The following MYO15A variants were observed in gnomAD, a reference collection of about 807,000 sequenced individuals.
MYO15A encodes myosin XVA, also known as unconventional myosin-XV.
In MYO15A, 308 loss-of-function variants were observed where a neutral mutation model predicts 394.6. The observed-to-expected ratio is 0.78, with a 90% confidence interval of 0.71 to 0.86. The LOEUF (loss-of-function observed/expected upper bound fraction) is 0.86, where lower values mean the gene tolerates loss of function less well. Ranked by LOEUF, MYO15A falls within the 40% of genes least tolerant of loss-of-function variation. The pLI is 0.00. For missense variants in MYO15A, 4,606 were observed against 4,799.1 expected (o/e 0.96, Z 1.19); for synonymous variants, 1,957 against 2,003.8 (o/e 0.98, Z 0.62).
At position 18,126,309 on chromosome 17, in the gene MYO15A, A is replaced by G. The variant is rs763267094; in HGVS notation, c.3757-38A>G. The G allele has an allele frequency of 4.5e-6, 7 of 1,553,668 alleles. No homozygotes were observed. In the Admixed American group the frequency reaches 1.2e-4, roughly 26 times the overall value. On this transcript the variant is annotated intron_variant, in intron 4 of 65. Transcript: ENST00000647165. ...GGGAGGGAGGGACATAGAGGTCTGC[A>G]AGGAGCCACGACGCTGAGGCCACCG... is the stretch of plus-strand genomic sequence containing the variant.
chr17:18,171,516 C>A, intron 62 of MYO15A, 122 bp from the exon 63 acceptor site: 1 of 1,471,286 alleles, frequency 6.8e-7, no homozygotes, highest in Non-Finnish European at 9.5e-7. Context: ...TTTACACTCC[C>A]TAGCATTTAG....
chr17:18,152,259 C>A, intron 42 of MYO15A, 75 bp downstream of exon 42: 3 of 1,414,920 alleles, frequency 2.1e-6, no homozygotes, highest in South Asian at 2.5e-5. Context: ...GTGAGTGTGT[C>A]GGTGGAGTGT....
intron 65 of MYO15A, chr17:18,176,986 C>T (rs1312676428): frequency 6.6e-6 from 1 of 152,240 alleles, no homozygotes; most frequent in African/African-American, 2.4e-5. Flanking sequence ...GTAGATGCTC[C>T]ATACATATTT....
chr17:18,163,683 C>T, intron 59 of MYO15A, 59 bp from the exon 60 acceptor site: 1 of 1,507,596 alleles, frequency 6.6e-7, no homozygotes, highest in Non-Finnish European at 9.1e-7. Context: ...TGAGTGGGGC[C>T]AGAAGGACAG....
chr17:18,130,280 A>T (rs2046130745), intron 7 of MYO15A, among the ~76,000 whole-genome samples: 1 of 152,102 alleles, frequency 6.6e-6, no homozygotes, highest in South Asian at 2.1e-4. Context: ...CAAACAGTAG[A>T]TCCGTGCCTG....
In MYO15A at chr17:18,152,103, G is replaced by A. The variant is rs772492507; in HGVS notation, c.7894-9G>A. ...TTGCCCCCTGAGCAGTCTCTTTGGG[G>A]TGGGACAGGTGTCCAGAGAGGCCGT... On this transcript the variant is annotated splice_polypyrimidine_tract_variant and intron_variant, in intron 41 of 65. Transcript: ENST00000647165. 6.4e-7 allele frequency: 1 copy of A among 1,551,478 alleles called. No homozygotes were observed. Among genetic ancestry groups the A allele is most frequent in the Non-Finnish European group, 8.7e-7 (1 of 1,147,096 alleles).
rs1462823417 is a variant in MYO15A at position 18,124,564 on chromosome 17, G to T, written c.3691G>T (p.Glu1231Ter). 6.2e-7 allele frequency: 1 copy of T among 1,613,070 alleles called. No individual in the cohort carries two copies. Among genetic ancestry groups the T allele is most frequent in the Admixed American group, 1.7e-5 (1 of 60,004 alleles). The change falls in exon 3 of 66, where the codon GAA becomes TAA. Residue 1231 changes from glutamate (E) to a stop codon, truncating the protein, a stop_gained and splice_region_variant. Transcript: ENST00000647165. LOFTEE classifies it high-confidence loss of function. Reference protein sequence around the residue: ...EDGVEDMTQLEDLQETTVLSN... With the variant: ...EDGVEDMTQL Reference sequence around the variant, plus strand: ...TGGTGTGGAGGACATGACACAGCTGGAGTGAGTGGGCAGGGCCGGCGGGGT... The same window carrying T: ...TGGTGTGGAGGACATGACACAGCTGTAGTGAGTGGGCAGGGCCGGCGGGGT...
intron 57 of MYO15A, 136 bp from the exon 58 acceptor site, chr17:18,162,448 CT>C: frequency 1.3e-6 from 1 of 764,556 alleles, no homozygotes; most frequent in Non-Finnish European, 2.2e-6. Flanking sequence ...GTTTCCTCAA[CT>C]GTCAAATGGG....
intron 62 of MYO15A, among the ~76,000 whole-genome samples, chr17:18,171,347 C>T (rs563507185): frequency 7.0e-4 from 107 of 152,310 alleles, no homozygotes; most frequent in African/African-American, 2.5e-3. Flanking sequence ...CAACCCATGC[C>T]GCTAACTCAC....
At chr17:18,145,704 C>G (rs2046464458) in intron 29 of MYO15A, among the ~76,000 whole-genome samples, 168 bp from the exon 30 acceptor site, 2 of 151,866 alleles carry the variant, frequency 1.3e-5, no homozygotes, top group African/African-American at 4.8e-5. Flanking sequence ...GACAGAGACT[C>G]CATCTCAAAA....
intron 1 of MYO15A, among the ~76,000 whole-genome samples, chr17:18,111,439 C>T (rs1193404056): frequency 2.0e-5 from 3 of 151,948 alleles, no homozygotes; most frequent in Non-Finnish European, 2.9e-5. Context: ...CTTAACTCTG[C>T]GAACCCCAAG....
At chr17:18,126,569 C>A in intron 5 of MYO15A, 113 bp downstream of exon 5, 1 of 1,131,260 alleles carries the variant, frequency 8.8e-7, no homozygotes, top group Non-Finnish European at 1.3e-6. Context: ...TGGGGAAAGG[C>A]AGCCCACCTA....
At position 18,163,321 on chromosome 17, in the gene MYO15A, T is replaced by C; in HGVS notation, c.9690T>C (p.Thr3230=). 6.2e-7 allele frequency: 1 copy of C among 1,613,944 alleles called. No homozygotes were observed. The highest frequency in any genetic ancestry group is 8.5e-7 in the Non-Finnish European group (1 of 1,179,882). ...LERHLKIKTC[T]VALDVVEEIC... ...GCCATCTCAAAATCAAAACATGCAC[T>C]GTAAGTGAAGAAATGTCTCCTGCAG... The change falls in exon 59 of 66, where the codon ACT becomes ACC. Residue 3230 remains threonine, a splice_region_variant and synonymous_variant. Coordinates refer to ENST00000647165, the MANE Select transcript of MYO15A (RefSeq NM_016239.4).
intron 1 of MYO15A, among the ~76,000 whole-genome samples, chr17:18,114,443 G>C (rs1021793619): frequency 6.6e-6 from 1 of 151,940 alleles, no homozygotes; most frequent in Non-Finnish European, 1.5e-5. Flanking sequence ...GTGGAAATGA[G>C]GTTTTACCAT....
intron 40 of MYO15A, 66 bp from the exon 41 acceptor site, chr17:18,151,780 T>C: frequency 2.1e-6 from 3 of 1,456,758 alleles, no homozygotes; most frequent in South Asian, 1.2e-5. Flanking sequence ...AGTTTCCTAC[T>C]GTCAAACTAT....
intron 65 of MYO15A, among the ~76,000 whole-genome samples, chr17:18,175,519 G>C (rs1183185205): frequency 1.3e-5 from 2 of 151,994 alleles, no homozygotes; most frequent in Non-Finnish European, 2.9e-5. Flanking sequence ...TTGAACTCCT[G>C]ACCTCAAGTG....
At chr17:18,154,065 G>T (rs2046632505) in intron 43 of MYO15A, 66 bp from the exon 44 acceptor site, 1 of 1,606,664 alleles carries the variant, frequency 6.2e-7, no homozygotes, top group African/African-American at 1.3e-5. Flanking sequence ...TTTAGGGGGC[G>T]GGGCCGGGTG....
intron 58 of MYO15A, 74 bp from the exon 59 acceptor site, chr17:18,163,170 C>T (rs2046800933): frequency 1.3e-6 from 2 of 1,516,678 alleles, no homozygotes; most frequent in Admixed American, 1.7e-5. Context: ...TTGGGAACTC[C>T]CAGGGCAGGA....
rs758641705 is a variant in MYO15A, at chr17:18,149,332, C to T, written c.7073C>T (p.Thr2358Ile). Reference sequence around the variant, plus strand: ...TACAGCAGCCACAATCAGGACGGTACAAATGGGGAGACTGAGGCCCAAAGA... The same window carrying T: ...TACAGCAGCCACAATCAGGACGGTATAAATGGGGAGACTGAGGCCCAAAGA... ...DGYSSHNQDGTNGETEAQRGT... is the reference protein window; with the variant it reads ...DGYSSHNQDGINGETEAQRGT... The change falls in exon 34 of 66, where the codon ACA (threonine) becomes ATA (isoleucine). Residue 2358 changes from threonine (T) to isoleucine (I), a missense_variant. Thr to Ile is a moderately conservative substitution (Grantham distance 89, BLOSUM62 -1). Coordinates refer to ENST00000647165, the MANE Select transcript of MYO15A (RefSeq NM_016239.4). 5 of 1,611,468 alleles carry T rather than the reference C, an allele frequency of 3.1e-6. No individual in the cohort carries two copies. In the African/African-American group the frequency reaches 5.3e-5, roughly 17 times the overall value.
Sources: gnomAD v4.1 joint callset for allele counts (sites outside exome capture counted in the v4.1 genomes callset) on GRCh38, gnomAD v4.1.1 for gene constraint, MANE v1.5 for transcripts, NCBI Gene and HGNC (gene_info 2026-07-23, HGNC 2026-07-21) for gene names.